The following SLC39A9 variants were observed in gnomAD, a reference collection of about 807,000 sequenced individuals.
SLC39A9 encodes solute carrier family 39 member 9, also known as zinc transporter ZIP9.
SLC39A9 carries 14 observed loss-of-function variants against 28.4 expected under a neutral mutation model. That is an observed-to-expected ratio of 0.49 (90% CI 0.33 to 0.77). The LOEUF is 0.77. Among genes scored for constraint, SLC39A9 ranks in the 30% least tolerant of loss-of-function variants. The probability of loss-of-function intolerance (pLI) is 0.02; values close to 1 mark genes in which losing one functional copy is unlikely to be tolerated. For synonymous variants in SLC39A9, 119 were observed against 149.6 expected, an observed-to-expected ratio of 0.80 and a Z score of 1.49; for missense variants, 283 against 381.1, an observed-to-expected ratio of 0.74 and a Z score of 2.14.
chr14:69,423,485 A>C (rs1884009793), intron 1 of SLC39A9, among the ~76,000 whole-genome samples: 1 of 152,226 alleles, frequency 6.6e-6, no homozygotes, highest in Non-Finnish European at 1.5e-5. Context: ...TCTAAATGCC[A>C]AACTGTAGTC....
intron 1 of SLC39A9, among the ~76,000 whole-genome samples, chr14:69,401,156 A>G (rs1217331181): frequency 6.6e-6 from 1 of 152,206 alleles, no homozygotes; most frequent in East Asian, 1.9e-4. Flanking sequence ...GTACATATAC[A>G]TGGTAGCCTG....
chr14:69,412,410 TAAATAAATAAATA>T (rs1318917137), intron 1 of SLC39A9, among the ~76,000 whole-genome samples: 1 of 150,090 alleles, frequency 6.7e-6, no homozygotes, highest in Admixed American at 6.6e-5. Context: ...AATAAATAAA[TAAATAAATAAATA>T]AATAAATAAA....
Position 69,442,365 on chromosome 14 carries a change from G to T in SLC39A9, c.403+99G>T, listed in dbSNP as rs141845337. The T allele has an allele frequency of 5.6e-5, 64 of 1,138,118 alleles. No homozygotes were observed. The African/African-American group carries it at 9.6e-4, about 17-fold the overall frequency. 70.5% of individuals were successfully genotyped at this position (1,138,118 alleles called of 1,614,324 possible). ...CAGTCTGTATCAGTGGCCATATTTA[G>T]TGCTAAAACTCTTGTCTTCCTTGGG... On this transcript the variant is annotated intron_variant, in intron 3 of 6. Transcript: ENST00000336643.
chr14:69,437,077 C>G (rs1020962062), intron 2 of SLC39A9, among the ~76,000 whole-genome samples: 1 of 152,162 alleles, frequency 6.6e-6, no homozygotes, highest in African/African-American at 2.4e-5. Context: ...CCATGTTAGC[C>G]AGGATGGTCT....
intron 3 of SLC39A9, among the ~76,000 whole-genome samples, chr14:69,450,902 C>T (rs989990934): frequency 6.6e-6 from 1 of 152,154 alleles, no homozygotes; most frequent in Non-Finnish European, 1.5e-5. Context: ...TGCTGGCTTT[C>T]GTGTCTGATG....
intron 3 of SLC39A9, among the ~76,000 whole-genome samples, chr14:69,447,340 A>C (rs183942718): frequency 1.3e-5 from 2 of 152,324 alleles, no homozygotes; most frequent in East Asian, 3.9e-4. Context: ...TCTGGAAGGG[A>C]GTCAACACTT....
Position 69,412,023 on chromosome 14 carries a change from C to T in SLC39A9, c.97-12071C>T, listed in dbSNP as rs149403712. On this transcript the variant is annotated intron_variant, in intron 1 of 6. Coordinates refer to ENST00000336643, the MANE Select transcript of SLC39A9 (RefSeq NM_018375.5). ...ATCTCGATCTCTTGACCTCGTGATCCGCCTGCCTCAACCTCCCATAGTGCT... is the reference window on the plus strand; with the variant it reads ...ATCTCGATCTCTTGACCTCGTGATCTGCCTGCCTCAACCTCCCATAGTGCT... Among the ~76,000 whole-genome samples the T allele has an allele frequency of 2.6e-5, 4 of 151,886 alleles. No homozygotes were observed. The East Asian group carries it at 6.0e-4, about 23-fold the overall frequency.
chr14:69,431,761 G>A (rs1159048050), intron 2 of SLC39A9, among the ~76,000 whole-genome samples: 2 of 151,906 alleles, frequency 1.3e-5, no homozygotes, highest in Admixed American at 1.3e-4. Flanking sequence ...CCATCTTTAT[G>A]TCTATGAGTA....
Position 69,461,559 on chromosome 14 carries a change from A to G in SLC39A9, c.*2966A>G. 1 of 1,485,378 alleles carries G rather than the reference A, an allele frequency of 6.7e-7. No individual in the cohort carries two copies. The highest frequency in any genetic ancestry group is 8.9e-7 in the Non-Finnish European group (1 of 1,122,562). The allele number at this position is 1,485,378 out of a possible 1,614,324, so 92.0% of individuals were successfully genotyped here. A position where few individuals can be genotyped will look rare whatever the true frequency, so the allele number is the denominator to read the frequency against. ...ACAGCCAAGTGAGCCCTGTTCTGGT[A>G]TTTTGAATCATTAGAGAAAAGAAAG... On this transcript the variant is annotated 3_prime_UTR_variant, in exon 7 of 7. Coordinates refer to ENST00000336643, the MANE Select transcript of SLC39A9 (RefSeq NM_018375.5).
At chr14:69,424,473 C>T (rs1388144846) in intron 2 of SLC39A9, among the ~76,000 whole-genome samples, 1 of 152,008 alleles carries the variant, frequency 6.6e-6, no homozygotes, top group Non-Finnish European at 1.5e-5. Context: ...TTTTTTAATG[C>T]TTACTCAAAC....
intron 3 of SLC39A9, among the ~76,000 whole-genome samples, chr14:69,450,634 C>T (rs1203779881): frequency 6.6e-6 from 1 of 152,056 alleles, no homozygotes; most frequent in African/African-American, 2.4e-5. Flanking sequence ...AAAAATTAGC[C>T]AGGCATAGTG....
At chr14:69,428,176 C>G (rs1206007452) in intron 2 of SLC39A9, among the ~76,000 whole-genome samples, 1 of 151,580 alleles carries the variant, frequency 6.6e-6, no homozygotes, top group East Asian at 1.9e-4. Context: ...TACTGGGAGA[C>G]TGAGGTAGGA....
intron 3 of SLC39A9, among the ~76,000 whole-genome samples, chr14:69,448,569 A>G (rs1235575441): frequency 2.0e-5 from 3 of 152,224 alleles, no homozygotes; most frequent in South Asian, 4.1e-4. Context: ...AGGAGAATAT[A>G]TTATCCAAAA....
chr14:69,415,617 T>C (rs1883526314), intron 1 of SLC39A9, among the ~76,000 whole-genome samples: 1 of 151,474 alleles, frequency 6.6e-6, no homozygotes, highest in Non-Finnish European at 1.5e-5. Flanking sequence ...CCATTCTGAA[T>C]GTATAAGGGT....
At position 69,461,412 on chromosome 14, in the gene SLC39A9, C is replaced by A. The variant is rs2139468026; in HGVS notation, c.*2819C>A. The stretch of plus-strand genomic sequence containing the variant: ...TCAGTTTTCCTGTGCACACTATTGC[C>A]AAATTTTTTTTTAGCAAAGATTCTG... On this transcript the variant is annotated 3_prime_UTR_variant, in exon 7 of 7. Coordinates refer to ENST00000336643, the MANE Select transcript of SLC39A9 (RefSeq NM_018375.5). 1.6e-6 allele frequency: 2 copies of A among 1,256,254 alleles called. No individual in the cohort carries two copies. Among genetic ancestry groups the A allele is most frequent in the East Asian group, 3.4e-5 (1 of 29,636 alleles). The allele number at this position is 1,256,254 out of a possible 1,614,324, so 77.8% of individuals were successfully genotyped here.
intron 2 of SLC39A9, among the ~76,000 whole-genome samples, chr14:69,430,186 T>A (rs948514593): frequency 6.6e-6 from 1 of 152,218 alleles, no homozygotes; most frequent in Non-Finnish European, 1.5e-5. Flanking sequence ...TAGAGAGCAG[T>A]TTTTAATTCT....
At chr14:69,401,911 A>G (rs774309995) in intron 1 of SLC39A9, among the ~76,000 whole-genome samples, 16 of 152,200 alleles carry the variant, frequency 1.1e-4, no homozygotes, top group Non-Finnish European at 1.9e-4. Context: ...TTCTAGGTAA[A>G]TTATGCCATT....
intron 2 of SLC39A9, among the ~76,000 whole-genome samples, chr14:69,438,085 C>T (rs1421235010): frequency 1.3e-5 from 2 of 150,930 alleles, no homozygotes; most frequent in Non-Finnish European, 3.0e-5. Flanking sequence ...GCAGTGACAC[C>T]ATCTCGGCTC....
intron 1 of SLC39A9, among the ~76,000 whole-genome samples, chr14:69,421,845 T>C (rs1883916085): frequency 6.6e-6 from 1 of 152,200 alleles, no homozygotes; most frequent in African/African-American, 2.4e-5. Flanking sequence ...GTGCCGTTTG[T>C]TAAGACTGTT....
Sources: gnomAD v4.1 joint callset for allele counts (sites outside exome capture counted in the v4.1 genomes callset) on GRCh38, gnomAD v4.1.1 for gene constraint, MANE v1.5 for transcripts, NCBI Gene and HGNC (gene_info 2026-07-23, HGNC 2026-07-21) for gene names.